KRABD2: variants seen among roughly 807,000 people sequenced by gnomAD.
KRABD2 encodes the protein KRAB domain containing 2, also known as KRAB domain-containing protein 2.
chr17:8,376,224 G>C, the KRABD2 span: 1 of 1,230,962 alleles, frequency 8.1e-7, no homozygotes, highest in South Asian at 4.1e-5. Context: ...CTTACAGGTA[G>C]GTCGTTATTA....
At chr17:8,376,462 TTA>T in the KRABD2 span, 1 of 1,023,324 alleles carries the variant, frequency 9.8e-7, no homozygotes, top group Non-Finnish European at 1.2e-6. Context: ...GCACGCCCGC[TTA>T]TTCCTGAGGA....
At chr17:8,366,954 T>G in the KRABD2 span, among the ~76,000 whole-genome samples, 2 of 151,710 alleles carry the variant, frequency 1.3e-5, no homozygotes, top group Admixed American at 6.6e-5. Flanking sequence ...ACCCCTGACC[T>G]CAAGTGATCG....
chr17:8,371,574 T>TGGAAGAAATAAGAAATAGG, the KRABD2 span: 2 of 1,551,448 alleles, frequency 1.3e-6, no homozygotes, highest in African/African-American at 2.8e-5. Flanking sequence ...GGTGAATAAA[T>TGGAAGAAATAAGAAATAGG]GGAAGAAATA....
chr17:8,369,551 AG>A, the KRABD2 span: 1 of 1,614,216 alleles, frequency 6.2e-7, no homozygotes, highest in Non-Finnish European at 8.5e-7. Flanking sequence ...GGCTTTGGCC[AG>A]GGTGGTACTT....
chr17:8,370,382 G>T, the KRABD2 span: 8 of 1,545,018 alleles, frequency 5.2e-6, no homozygotes, highest in Non-Finnish European at 7.0e-6. Context: ...GCTGTAAGAA[G>T]GATCCTAAGA....
chr17:8,375,258 G>A, the KRABD2 span, among the ~76,000 whole-genome samples: 2 of 152,244 alleles, frequency 1.3e-5, no homozygotes, highest in South Asian at 2.1e-4. Flanking sequence ...TGATCCACCC[G>A]CCTCTGCCTC....
At chr17:8,374,937 CAAAAAAAAAAAAA>C in the KRABD2 span, among the ~76,000 whole-genome samples, 17 of 46,178 alleles carry the variant, frequency 3.7e-4, no homozygotes, top group Admixed American at 2.4e-3. Flanking sequence ...GACTCTGTCA[CAAAAAAAAAAAAA>C]AAAAAAAAAA....
the KRABD2 span, among the ~76,000 whole-genome samples, chr17:8,367,957 C>CA: frequency 8.9e-3 from 770 of 86,468 alleles, 6 homozygotes; most frequent in African/African-American, 0.019. Context: ...AAGTTAAGAG[C>CA]AAAAAAAAAA....
chr17:8,376,442 C>T, the KRABD2 span: 2 of 1,041,018 alleles, frequency 1.9e-6, no homozygotes, highest in Non-Finnish European at 2.3e-6. Context: ...TCACCGTCCA[C>T]ACCACACGGG....
the KRABD2 span, among the ~76,000 whole-genome samples, chr17:8,359,088 T>C: frequency 6.6e-6 from 1 of 152,220 alleles, no homozygotes; most frequent in East Asian, 1.9e-4. Context: ...AACATTGCCG[T>C]TTTTTAAAGA....
the KRABD2 span, chr17:8,371,632 G>C: frequency 1.4e-6 from 2 of 1,428,502 alleles, no homozygotes; most frequent in South Asian, 3.3e-5. Flanking sequence ...TCATGGATGA[G>C]GGAAAGGAGT....
the KRABD2 span, chr17:8,369,192 G>A: frequency 6.2e-7 from 1 of 1,614,172 alleles, no homozygotes; most frequent in Non-Finnish European, 8.5e-7. Context: ...AGCTTCAGGA[G>A]TGGGATCCAT....
the KRABD2 span, chr17:8,376,263 CT>C: frequency 8.1e-7 from 1 of 1,229,448 alleles, no homozygotes; most frequent in Non-Finnish European, 1.0e-6. Flanking sequence ...ACGGCCGAGT[CT>C]ACGCTTGGGA....
chr17:8,369,892 T>C, the KRABD2 span: 2 of 1,614,240 alleles, frequency 1.2e-6, no homozygotes, highest in South Asian at 1.1e-5. Flanking sequence ...ACTGGGTTCT[T>C]CTGGTGGCAC....
At chr17:8,373,173 GTCTCCACGGTCTCCCTCTCCCTCTC>G in the KRABD2 span, among the ~76,000 whole-genome samples, 235 of 128,290 alleles carry the variant, frequency 1.8e-3, no homozygotes, top group Non-Finnish European at 2.2e-3. Flanking sequence ...CTCCGTCTCC[GTCTCCACGGTCTCCCTCTCCCTCTC>G]TCTCCACGGT....
At chr17:8,369,534 G>A in the KRABD2 span, 1 of 1,614,174 alleles carries the variant, frequency 6.2e-7, no homozygotes. Flanking sequence ...TCCTTCCAGG[G>A]AGCCCTGGCT....
the KRABD2 span, chr17:8,369,740 A>T: frequency 3.1e-6 from 5 of 1,614,240 alleles, no homozygotes; most frequent in Non-Finnish European, 4.2e-6. Flanking sequence ...GTAAAATAAT[A>T]AACTTGGTTG....
the KRABD2 span, chr17:8,371,298 T>G: frequency 1.9e-6 from 3 of 1,580,816 alleles, no homozygotes; most frequent in Non-Finnish European, 2.6e-6. Context: ...AGGAAGATTC[T>G]GAGCCCTTAC....
chr17:8,364,415 C>T, the KRABD2 span, among the ~76,000 whole-genome samples: 1 of 152,206 alleles, frequency 6.6e-6, no homozygotes, highest in Non-Finnish European at 1.5e-5. The surrounding 1 kb of genome is among the most constrained non-coding windows in gnomAD (Gnocchi z 4.4). Context: ...TGTGGTGATA[C>T]GATCATGGCT....
Sources: allele counts gnomAD v4.1 joint callset (sites outside exome capture counted in the v4.1 genomes callset), GRCh38; gene constraint gnomAD v4.1.1; non-coding constraint Gnocchi (gnomAD v3.1); transcripts MANE v1.5; gene names NCBI Gene and HGNC (gene_info 2026-07-23, HGNC 2026-07-21).